Variants in ARL6IP1 observed in about 807,000 individuals in gnomAD.
The protein encoded by ARL6IP1 is ARL6 interacting reticulophagy regulator 1.
A neutral mutation model predicts 30.1 loss-of-function variants in ARL6IP1; 16 were observed. The ratio of observed to expected loss-of-function variants is 0.53; its 90% CI spans 0.36 to 0.81. The LOEUF is 0.81. ARL6IP1 is among the 30% of genes least tolerant of loss of function. The probability of loss-of-function intolerance (pLI) is 0.01; values close to 1 mark genes in which losing one functional copy is unlikely to be tolerated. For synonymous variants in ARL6IP1, 72 were observed against 84.8 expected, an observed-to-expected ratio of 0.85 and a Z score of 0.83; for missense variants, 173 against 242.7, an observed-to-expected ratio of 0.71 and a Z score of 1.91.
rs2030082533 is a variant in ARL6IP1 at position 18,791,980 on chromosome 16, C to G, written c.*1272G>C. 2 of 152,614 alleles carry G rather than the reference C, an allele frequency of 1.3e-5. No homozygotes were observed. Among genetic ancestry groups the G allele is most frequent in the Admixed American group, 1.3e-4 (2 of 15,274 alleles). The allele number at this position is 152,614 out of a possible 1,614,324, so 9.5% of individuals were successfully genotyped here. ...GTACAACATCAGTGCAATAAATTCA[C>G]AAAACTATATTACAGCTAGTTAATC... On this transcript the variant is annotated 3_prime_UTR_variant, in exon 6 of 6. Coordinates refer to ENST00000304414, the MANE Select transcript of ARL6IP1 (RefSeq NM_015161.3).
At chr16:18,799,835 G>A (rs897827669) in intron 1 of ARL6IP1, among the ~76,000 whole-genome samples, 5 of 152,202 alleles carry the variant, frequency 3.3e-5, no homozygotes, top group African/African-American at 4.8e-5. Flanking sequence ...GGGCCTCTAG[G>A]ATGAGCTAAT....
intron 1 of ARL6IP1, among the ~76,000 whole-genome samples, chr16:18,800,734 G>A (rs555910028): frequency 6.6e-6 from 1 of 152,124 alleles, no homozygotes; most frequent in Non-Finnish European, 1.5e-5. Context: ...CACAAGGTGC[G>A]CTTAAATTCA....
chr16:18,801,138 CA>C, intron 1 of ARL6IP1: 1 of 1,336,206 alleles, frequency 7.5e-7, no homozygotes, highest in Non-Finnish European at 9.6e-7. Context: ...CTTCTGCCCC[CA>C]CCCGCACCCC....
chr16:18,793,437 T>C, intron 5 of ARL6IP1, 67 bp from the exon 6 acceptor site: 1 of 945,928 alleles, frequency 1.1e-6, no homozygotes, highest in Middle Eastern at 3.5e-4. Flanking sequence ...ATTACTTTTT[T>C]TTTTTTTTTT....
chr16:18,793,761 G>A (rs547330562), intron 5 of ARL6IP1, among the ~76,000 whole-genome samples: 8 of 152,128 alleles, frequency 5.3e-5, no homozygotes, highest in Admixed American at 5.2e-4. Flanking sequence ...CCAGGCTGGA[G>A]TGCAATGGCA....
At position 18,795,510 on chromosome 16, in the gene ARL6IP1, C is replaced by T; in HGVS notation, c.362G>A (p.Gly121Asp). The change falls in exon 4 of 6, where the codon GGT (glycine) becomes GAT (aspartate). Residue 121 changes from glycine to aspartate, a missense_variant. Gly to Asp is a moderately conservative substitution (Grantham distance 94). Coordinates refer to ENST00000304414, the MANE Select transcript of ARL6IP1 (RefSeq NM_015161.3). ...TAGTGTGAAGAGGCGTTTCCACCAACCCACAGCTCTGCGTCGAGTTTTTAC... is the reference window on the plus strand; with the variant it reads ...TAGTGTGAAGAGGCGTTTCCACCAATCCACAGCTCTGCGTCGAGTTTTTAC... ...NLVKTRRRAV[G>D]WWKRLFTLKE... 1 of 1,613,632 alleles carries T rather than the reference C, an allele frequency of 6.2e-7. No individual in the cohort carries two copies. Among genetic ancestry groups the T allele is most frequent in the Non-Finnish European group, 8.5e-7 (1 of 1,179,898 alleles).
rs774617002 is a variant in ARL6IP1 at position 18,798,727 on chromosome 16, G to A, written c.144C>T (p.Ile48=). The A allele has an allele frequency of 6.2e-6, 10 of 1,614,180 alleles. No individual in the cohort carries two copies. Among genetic ancestry groups the A allele is most frequent in the South Asian group, 2.2e-5 (2 of 91,076 alleles). Reference sequence around the variant, plus strand: ...GAAACACCAAAGAAACCACACCCATGATGGCAGGTGGAAACCAGGCTCTTT... The same window carrying A: ...GAAACACCAAAGAAACCACACCCATAATGGCAGGTGGAAACCAGGCTCTTT... ...RWERAWFPPA[I]MGVVSLVFLI... is the part of the protein sequence containing the mutation. Residue 48 remains isoleucine (I), a synonymous_variant, in exon 2 of 6, where the codon ATC becomes ATT. Transcript: ENST00000304414.
intron 3 of ARL6IP1, among the ~76,000 whole-genome samples, chr16:18,795,832 A>G (rs2030215716): frequency 6.6e-6 from 1 of 152,174 alleles, no homozygotes; most frequent in South Asian, 2.1e-4. Context: ...AGAAAGGATC[A>G]TCTCTGGCTC....
At position 18,793,281 on chromosome 16, in the gene ARL6IP1, G is replaced by T. The variant is rs2030123099; in HGVS notation, c.583C>A (p.Leu195Ile). Residue 195 changes from leucine to isoleucine, a missense_variant, in exon 6 of 6, where the codon CTC becomes ATC. Transcript: ENST00000304414. ...TCGTTTTTCTTTTCTTTTTGTTTGA[G>T]AAGTTTGTTTATCTCCCTCTTGGCC... Reference protein sequence around the residue: ...GMAKREINKLLKQKEKKNE With the variant: ...GMAKREINKLIKQKEKKNE 6.2e-7 allele frequency: 1 copy of T among 1,612,236 alleles called. No homozygotes were observed.
At chr16:18,793,911 C>T (rs1298949108) in intron 5 of ARL6IP1, among the ~76,000 whole-genome samples, 8 of 152,076 alleles carry the variant, frequency 5.3e-5, no homozygotes, top group Non-Finnish European at 7.3e-5. Context: ...CATGTGATTT[C>T]GCAATGTTGG....
At position 18,795,568 on chromosome 16, in the gene ARL6IP1, G is replaced by GT. The variant is rs2030205984; in HGVS notation, c.303dup (p.Gln102ThrfsTer6). 1 of 1,612,866 alleles carries GT rather than the reference G, an allele frequency of 6.2e-7. No homozygotes were observed. The highest frequency in any genetic ancestry group is 8.5e-7 in the Non-Finnish European group (1 of 1,179,746). ...CTGCAAATTTCATGGAATCTTTGCT[G>GT]TTGTTCAGTGGTCCTAGAAAAGAAA... On this transcript the variant is annotated frameshift_variant, in exon 4 of 6. Coordinates refer to ENST00000304414, the MANE Select transcript of ARL6IP1 (RefSeq NM_015161.3). LOFTEE classifies it high-confidence loss of function.
chr16:18,794,730 A>G (rs750419064), intron 4 of ARL6IP1, 47 bp from the exon 5 acceptor site: 1 of 1,299,316 alleles, frequency 7.7e-7, no homozygotes, highest in South Asian at 1.3e-5. Flanking sequence ...ATGTGACACC[A>G]TAAATATATG....
chr16:18,794,759 T>G, intron 4 of ARL6IP1, 76 bp from the exon 5 acceptor site: 1 of 1,047,612 alleles, frequency 9.5e-7, no homozygotes, highest in Non-Finnish European at 1.4e-6. Flanking sequence ...ATTTGTCAAT[T>G]AAAGAAGAAT....
intron 2 of ARL6IP1, 74 bp from the exon 3 acceptor site, chr16:18,798,118 A>AAACATGTC: frequency 7.3e-7 from 1 of 1,377,994 alleles, no homozygotes. Flanking sequence ...TAACTTAACT[A>AAACATGTC]TTCACTTAAC....
chr16:18,797,873 C>T (rs2030288189), intron 3 of ARL6IP1, 52 bp downstream of exon 3: 1 of 1,586,822 alleles, frequency 6.3e-7, no homozygotes, highest in East Asian at 2.3e-5. Flanking sequence ...TCACAGCCAC[C>T]AAGTTCAGTA....
intron 3 of ARL6IP1, among the ~76,000 whole-genome samples, chr16:18,797,487 T>C (rs1280096207): frequency 6.6e-6 from 1 of 152,132 alleles, no homozygotes; most frequent in Non-Finnish European, 1.5e-5. Context: ...TTAACTGCCA[T>C]TCCACTGCCT....
At chr16:18,801,354 A>T (rs2141875894) in intron 1 of ARL6IP1, 77 bp downstream of exon 1, 6 of 1,584,946 alleles carry the variant, frequency 3.8e-6, no homozygotes, top group East Asian at 4.6e-5. Context: ...GGTGACAGGG[A>T]CGAGGCCGCG....
chr16:18,799,483 G>A (rs150879721), intron 1 of ARL6IP1, among the ~76,000 whole-genome samples: 479 of 152,326 alleles, frequency 3.1e-3, no homozygotes, highest in Admixed American at 6.3e-3. Context: ...GCGGGGAATC[G>A]TGGCAGTGCC....
At position 18,798,740 on chromosome 16, in the gene ARL6IP1, A is replaced by C; in HGVS notation, c.131T>G (p.Phe44Cys). Residue 44 changes from phenylalanine (F) to cysteine (C), a missense_variant, in exon 2 of 6, where the codon TTT becomes TGT. By Grantham distance (205) the Phe-to-Cys change is radical. Transcript: ENST00000304414. ...DKVLRWERAWFPPAIMGVVSL... is the reference protein window; with the variant it reads ...DKVLRWERAWCPPAIMGVVSL... ...AACCACACCCATGATGGCAGGTGGA[A>C]ACCAGGCTCTTTCCCATCGGAGGAC... 6.2e-7 allele frequency: 1 copy of C among 1,614,192 alleles called. No homozygotes were observed. The highest frequency in any genetic ancestry group is 8.5e-7 in the Non-Finnish European group (1 of 1,180,020).
Sources: allele counts gnomAD v4.1 joint callset (sites outside exome capture counted in the v4.1 genomes callset), GRCh38; gene constraint gnomAD v4.1.1; transcripts MANE v1.5; gene names NCBI Gene and HGNC (gene_info 2026-07-23, HGNC 2026-07-21).